The following PKNOX2 variants were observed in gnomAD, a reference collection of about 807,000 sequenced individuals.
The protein encoded by PKNOX2 is PBX/knotted 1 homeobox 2.
In PKNOX2, 14 loss-of-function variants were observed where a neutral mutation model predicts 53.1. The ratio of observed to expected loss-of-function variants is 0.26; its 90% CI spans 0.17 to 0.41. The LOEUF (loss-of-function observed/expected upper bound fraction) is 0.41, where lower values mean the gene tolerates loss of function less well. PKNOX2 is among the 10% of genes least tolerant of loss of function. PKNOX2 has a pLI of 1.00. For synonymous variants in PKNOX2, 257 were observed against 242.8 expected (o/e 1.06, Z -0.54); for missense variants, 496 against 602.8 (o/e 0.82, Z 1.85).
At chr11:125,278,544 G>A (rs569731821) in intron 2 of PKNOX2, among the ~76,000 whole-genome samples, 9 of 152,314 alleles carry the variant, frequency 5.9e-5, no homozygotes, top group Admixed American at 5.2e-4. Flanking sequence ...GGTCCTGGAG[G>A]GCACAGCAGC....
intron 2 of PKNOX2, among the ~76,000 whole-genome samples, chr11:125,289,079 A>G (rs1333938475): frequency 3.3e-5 from 5 of 152,248 alleles, no homozygotes; most frequent in African/African-American, 1.2e-4. Flanking sequence ...GGCCTGAGAC[A>G]GTCTCTCCTA....
chr11:125,220,982 C>T (rs375782780), intron 1 of PKNOX2, among the ~76,000 whole-genome samples: 21 of 152,180 alleles, frequency 1.4e-4, no homozygotes, highest in African/African-American at 4.6e-4. Flanking sequence ...AGTGAAACCC[C>T]GACTCTACTA....
At chr11:125,221,290 A>G (rs1364703499) in intron 1 of PKNOX2, among the ~76,000 whole-genome samples, 2 of 152,170 alleles carry the variant, frequency 1.3e-5, no homozygotes, top group Non-Finnish European at 2.9e-5. Context: ...GCACCTTGGT[A>G]CTGGTGGCAG....
chr11:125,199,096 C>G (rs2135392181), intron 1 of PKNOX2, among the ~76,000 whole-genome samples: 1 of 152,316 alleles, frequency 6.6e-6, no homozygotes, highest in East Asian at 1.9e-4. Context: ...CCTCCTCGGC[C>G]TCCCAAAGTG....
In PKNOX2 at chr11:125,398,033, A is replaced by G; in HGVS notation, c.559A>G (p.Asn187Asp). 1 of 1,612,986 alleles carries G rather than the reference A, an allele frequency of 6.2e-7. No homozygotes were observed. Among genetic ancestry groups the G allele is most frequent in the South Asian group, 1.1e-5 (1 of 90,882 alleles). The change falls in exon 7 of 13, where the codon AAC becomes GAC. Residue 187 changes from asparagine (N) to aspartate (D), a missense_variant. Physicochemically the swap from Asn to Asp is conservative, Grantham distance 23 (BLOSUM62 1). This residue lies in a region of PKNOX2 where 141 missense variants were observed against 143.9 expected (regional missense o/e 0.98). Coordinates refer to ENST00000298282, the MANE Select transcript of PKNOX2 (RefSeq NM_001382323.2). ...TGATCTAGGGGGGCCCTACTCCCCC[A>G]ACCAGCCCTCCATCAACCTTCACTC... ...RNDLGGPYSP[N>D]QPSINLHSQD...
chr11:125,222,696 ATG>A (rs930186315), intron 1 of PKNOX2, among the ~76,000 whole-genome samples: 22 of 108,824 alleles, frequency 2.0e-4, no homozygotes, highest in Non-Finnish European at 3.1e-4. Context: ...ATGTGTGTGT[ATG>A]TGTGTGTGTG....
chr11:125,305,977 G>C (rs1403023578), intron 2 of PKNOX2, among the ~76,000 whole-genome samples: 1 of 152,132 alleles, frequency 6.6e-6, no homozygotes, highest in Non-Finnish European at 1.5e-5. Flanking sequence ...GTAAAATACT[G>C]CCATTCCCCA....
At chr11:125,349,869 A>ACACACACAC (rs1280541073) in intron 3 of PKNOX2, among the ~76,000 whole-genome samples, 1 of 150,674 alleles carries the variant, frequency 6.6e-6, no homozygotes, top group African/African-American at 2.5e-5. Flanking sequence ...ACACACACAC[A>ACACACACAC]CACACACAGC....
chr11:125,425,541 G>A (rs1452469348), intron 10 of PKNOX2, among the ~76,000 whole-genome samples: 4 of 134,582 alleles, frequency 3.0e-5, no homozygotes, highest in Non-Finnish European at 6.6e-5. Context: ...GTGCCTTGAT[G>A]GTTTGCCGTG....
At chr11:125,393,225 C>A (rs1954185026) in intron 6 of PKNOX2, among the ~76,000 whole-genome samples, 1 of 151,120 alleles carries the variant, frequency 6.6e-6, no homozygotes. Flanking sequence ...GATGCCTGGT[C>A]CAATATGTGG....
At chr11:125,308,395 C>T (rs1342407349) in intron 2 of PKNOX2, among the ~76,000 whole-genome samples, 1 of 152,202 alleles carries the variant, frequency 6.6e-6, no homozygotes, top group East Asian at 1.9e-4. Flanking sequence ...CCTGCTCATG[C>T]TCTGGGGAAG....
chr11:125,275,353 G>T (rs1297796406), intron 2 of PKNOX2, among the ~76,000 whole-genome samples: 1 of 152,178 alleles, frequency 6.6e-6, no homozygotes, highest in African/African-American at 2.4e-5. Context: ...TGTGCATGGG[G>T]AATGAGTAGA....
intron 2 of PKNOX2, among the ~76,000 whole-genome samples, chr11:125,329,697 T>C (rs1329565237): frequency 1.1e-4 from 17 of 152,200 alleles, no homozygotes. Context: ...CACTGAGGAA[T>C]GGTTCAGGTA....
intron 4 of PKNOX2, among the ~76,000 whole-genome samples, chr11:125,364,156 A>T (rs1199176900): frequency 1.3e-5 from 2 of 152,208 alleles, no homozygotes; most frequent in East Asian, 3.8e-4. Context: ...AGCCCTGTGG[A>T]CAGCTGCAGG....
Position 125,422,639 on chromosome 11 carries a change from G to A in PKNOX2, c.937-6373G>A, listed in dbSNP as rs564522311. Among the ~76,000 whole-genome samples the A allele has an allele frequency of 6.6e-6, 1 of 152,306 alleles. No homozygotes were observed. Among genetic ancestry groups the A allele is most frequent in the African/African-American group, 2.4e-5 (1 of 41,554 alleles). On this transcript the variant is annotated intron_variant, in intron 10 of 12. Coordinates refer to ENST00000298282, the MANE Select transcript of PKNOX2 (RefSeq NM_001382323.2). The surrounding 1 kb of genome is among the most constrained non-coding windows in gnomAD (Gnocchi z 4.1). The stretch of plus-strand genomic sequence containing the variant: ...CAGGGTTGCATGGAGGCGCTGAAAA[G>A]GGAAGGTGTGCAAGAGACCCCTGGG...
chr11:125,380,374 T>G (rs1373655007), intron 5 of PKNOX2, among the ~76,000 whole-genome samples: 1 of 151,474 alleles, frequency 6.6e-6, no homozygotes, highest in Admixed American at 6.6e-5. Context: ...CTCCAAATTT[T>G]GAACGGCTTA....
intron 1 of PKNOX2, among the ~76,000 whole-genome samples, chr11:125,227,774 G>C (rs1372933714): frequency 1.3e-5 from 2 of 152,182 alleles, no homozygotes; most frequent in Non-Finnish European, 2.9e-5. Context: ...TGTTTTTAAG[G>C]TGTCTTAATT....
chr11:125,414,578 C>T (rs1356106543), intron 10 of PKNOX2, among the ~76,000 whole-genome samples: 1 of 152,152 alleles, frequency 6.6e-6, no homozygotes, highest in Non-Finnish European at 1.5e-5. Context: ...CACAGCCATG[C>T]ACATGTGGAC....
At chr11:125,311,042 G>A (rs777560783) in intron 2 of PKNOX2, among the ~76,000 whole-genome samples, 6 of 152,072 alleles carry the variant, frequency 3.9e-5, no homozygotes, top group Non-Finnish European at 5.9e-5. Context: ...TCTGGTGGGG[G>A]AAGGTGTTTT....
Sources: gnomAD v4.1 joint callset for allele counts (sites outside exome capture counted in the v4.1 genomes callset) on GRCh38, gnomAD v4.1.1 for gene constraint, gnomAD v4.1.1 regional missense constraint, Gnocchi (gnomAD v3.1) non-coding constraint, MANE v1.5 for transcripts, NCBI Gene and HGNC (gene_info 2026-07-23, HGNC 2026-07-21) for gene names.